ZNF718: variants seen among roughly 807,000 people sequenced by gnomAD.
The protein encoded by ZNF718 is zinc finger protein 718.
Under a neutral mutation model 2.6 loss-of-function variants are expected in ZNF718, and 3 were observed. The ratio of observed to expected loss-of-function variants is 1.16; its 90% confidence interval spans 0.53 to 3.01. ZNF718 has a LOEUF of 3.01. ZNF718 is among the 30% of genes most tolerant of loss of function. ZNF718 has a pLI of 0.03. For missense variants in ZNF718, 468 were observed against 230.0 expected, an observed-to-expected ratio of 2.03 and a Z score of -6.69; for synonymous variants, 135 against 77.9, an observed-to-expected ratio of 1.73 and a Z score of -3.86.
chr4:138,150 A>G (rs1715654707), intron 3 of ZNF718, among the ~76,000 whole-genome samples: 1 of 152,192 alleles, frequency 6.6e-6, no homozygotes, highest in Non-Finnish European at 1.5e-5. Context: ...CAACCTAACT[A>G]CATTCTTTTA....
chr4:198,558 G>A (rs1436727015), intron 3 of ZNF718, among the ~76,000 whole-genome samples: 1 of 152,168 alleles, frequency 6.6e-6, no homozygotes, highest in East Asian at 1.9e-4. Context: ...AGAGTATTCA[G>A]GAAAGAGGGA....
intron 3 of ZNF718, among the ~76,000 whole-genome samples, chr4:183,693 C>T (rs28851238): frequency 0.46 from 69,753 of 151,826 alleles, 16,449 homozygotes; most frequent in South Asian, 0.52. Flanking sequence ...GAACCATGGC[C>T]TTTAGTTCTT....
At chr4:191,207 G>T (rs1553821158) in intron 3 of ZNF718, among the ~76,000 whole-genome samples, 1 of 143,256 alleles carries the variant, frequency 7.0e-6, no homozygotes, top group African/African-American at 2.6e-5. Flanking sequence ...GGAGTGCGGT[G>T]GTGTCATCTC....
chr4:158,852 T>C (rs1716692730), intron 3 of ZNF718, among the ~76,000 whole-genome samples: 1 of 151,016 alleles, frequency 6.6e-6, no homozygotes, highest in East Asian at 2.0e-4. Context: ...TTTTGTTTTC[T>C]TGCATTATGT....
chr4:124,749 G>A, intron 1 of ZNF718, 76 bp downstream of exon 1: 2 of 1,583,882 alleles, frequency 1.3e-6, no homozygotes, highest in African/African-American at 1.3e-5. Flanking sequence ...GCGGTGGGAG[G>A]AGTCTGTGAA....
intron 3 of ZNF718, among the ~76,000 whole-genome samples, chr4:173,032 A>C (rs1337332768): frequency 6.6e-6 from 1 of 152,136 alleles, no homozygotes; most frequent in Non-Finnish European, 1.5e-5. Context: ...AGACAGAGTG[A>C]GACTCCATCT....
At chr4:137,827 TC>T (rs1715639445) in intron 3 of ZNF718, among the ~76,000 whole-genome samples, 1 of 152,224 alleles carries the variant, frequency 6.6e-6, no homozygotes, top group African/African-American at 2.4e-5. Context: ...AGTCCATTTT[TC>T]TGTGTTTTTA....
chr4:190,843 AGACT>A (rs1717678994), intron 3 of ZNF718, among the ~76,000 whole-genome samples: 1 of 152,068 alleles, frequency 6.6e-6, no homozygotes, highest in South Asian at 2.1e-4. Context: ...GTTTGAGACC[AGACT>A]GACTAACATA....
chr4:184,537 G>C (rs77893324), intron 3 of ZNF718, among the ~76,000 whole-genome samples: 2,440 of 152,220 alleles, frequency 0.016, 73 homozygotes, highest in African/African-American at 0.056. Context: ...GAATGCCTTA[G>C]GGAGGAGTCT....
At chr4:146,401 A>G (rs1716066582) in intron 3 of ZNF718, among the ~76,000 whole-genome samples, 1 of 152,084 alleles carries the variant, frequency 6.6e-6, no homozygotes, top group East Asian at 1.9e-4. Context: ...CAATTTACTG[A>G]TAACCTTATA....
intron 3 of ZNF718, among the ~76,000 whole-genome samples, chr4:173,086 AG>A (rs1352311811): frequency 6.6e-6 from 1 of 152,096 alleles, no homozygotes; most frequent in Non-Finnish European, 1.5e-5. Context: ...TGATACACAA[AG>A]GAGAAATACT....
intron 3 of ZNF718, among the ~76,000 whole-genome samples, chr4:178,643 A>T (rs1717396837): frequency 6.6e-6 from 1 of 152,188 alleles, no homozygotes; most frequent in Admixed American, 6.5e-5. Flanking sequence ...TCCCAAAAAA[A>T]TAATTTTGAT....
downstream of ZNF718, among the ~76,000 whole-genome samples, chr4:166,046 T>C (rs1489061881): frequency 6.6e-6 from 1 of 152,168 alleles, no homozygotes; most frequent in African/African-American, 2.4e-5. Context: ...TTCCCCTTCC[T>C]GTGTCCATGA....
chr4:176,321 T>C (rs147637914), intron 3 of ZNF718, among the ~76,000 whole-genome samples: 1 of 152,156 alleles, frequency 6.6e-6, no homozygotes. Context: ...ACCTTCCCCC[T>C]GCTAACATAC....
intron 1 of ZNF718, among the ~76,000 whole-genome samples, chr4:126,428 C>G (rs1284190517): frequency 1.3e-5 from 2 of 152,142 alleles, no homozygotes; most frequent in Admixed American, 6.5e-5. Flanking sequence ...TCAGACTTGT[C>G]TTTATCTAGG....
Position 173,847 on chromosome 4 carries a change from C to G in ZNF718, c.227-27234C>G, listed in dbSNP as rs140199432. 3.5e-4 allele frequency among the ~76,000 whole-genome samples: 53 copies of G among 152,252 alleles called. 1 individual carries two copies. In the East Asian group the frequency reaches 9.7e-3, roughly 28 times the overall value. On this transcript the variant is annotated intron_variant and NMD_transcript_variant, in intron 3 of 4. Transcript: ENST00000642529. ...AAGTATGCAGACACAGGTATTTTAC[C>G]TAACAGTGCAGCTAGGGGACTGTAC...
intron 3 of ZNF718, among the ~76,000 whole-genome samples, chr4:199,924 G>A (rs1296949810): frequency 1.3e-5 from 2 of 152,122 alleles, no homozygotes; most frequent in Non-Finnish European, 2.9e-5. Context: ...TAACATGCCA[G>A]TCAATATTAA....
chr4:186,818 A>T (rs1581482211), intron 3 of ZNF718, among the ~76,000 whole-genome samples: 1 of 152,104 alleles, frequency 6.6e-6, no homozygotes, highest in Non-Finnish European at 1.5e-5. Context: ...GCATTGTTTT[A>T]ACTTGATTCT....
chr4:200,151 A>G (rs1717869157), intron 3 of ZNF718, among the ~76,000 whole-genome samples: 1 of 152,248 alleles, frequency 6.6e-6, no homozygotes, highest in Non-Finnish European at 1.5e-5. Context: ...ATCAGTTTAT[A>G]TACACAAACA....
Sources: gnomAD v4.1 joint callset for allele counts (sites outside exome capture counted in the v4.1 genomes callset) on GRCh38, gnomAD v4.1.1 for gene constraint, MANE v1.5 for transcripts, NCBI Gene and HGNC (gene_info 2026-07-23, HGNC 2026-07-21) for gene names.